The following SLCO5A1 variants were observed in gnomAD, a reference collection of about 807,000 sequenced individuals.
SLCO5A1 encodes organic anion transporter polypeptide-related protein 4.
SLCO5A1 carries 39 observed loss-of-function variants against 65.1 expected under a neutral mutation model. That is an observed-to-expected ratio of 0.60 (90% CI 0.46 to 0.78). The LOEUF (loss-of-function observed/expected upper bound fraction) is 0.78. Among genes scored for constraint, SLCO5A1 ranks in the 30% least tolerant of loss-of-function variants. The pLI, the probability that SLCO5A1 is intolerant of heterozygous loss-of-function variation, is 0.00. For missense variants in SLCO5A1, 1,029 were observed against 1,069.4 expected (o/e 0.96, Z 0.53); for synonymous variants, 438 against 415.7 (o/e 1.05, Z -0.65).
Position 69,828,262 on chromosome 8 carries a change from ATTTT to A in SLCO5A1, c.907+3501_907+3504del, listed in dbSNP as rs138592070. Among the ~76,000 whole-genome samples the A allele has an allele frequency of 7.7e-3, 1,079 of 139,734 alleles. 8 individuals carry two copies. Among genetic ancestry groups the A allele is most frequent in the African/African-American group, 0.019 (689 of 35,814 alleles). The allele number at this position is 139,734 out of a possible 152,430, so 91.7% of individuals were successfully genotyped here. On this transcript the variant is annotated intron_variant, in intron 2 of 9. Coordinates refer to ENST00000260126, the MANE Select transcript of SLCO5A1 (RefSeq NM_030958.3). The stretch of plus-strand genomic sequence containing the variant: ...AAGAATGTGTTCTAACGCATTCATC[ATTTT>A]TTTTTTTTTTAAAAAAAAAGCAATT...
chr8:69,673,158 A>G lies in SLCO5A1; in HGVS notation c.2258T>C (p.Ile753Thr). Residue 753 changes from isoleucine to threonine, a missense_variant, in exon 10 of 10, where the codon ATT (isoleucine) becomes ACT (threonine). Physicochemically the swap from Ile to Thr is moderately conservative, Grantham distance 89. This residue lies in a region of SLCO5A1 where 258 missense variants were observed against 237.4 expected (regional missense o/e 1.09). Transcript: ENST00000260126. The stretch of plus-strand genomic sequence containing the variant: ...TTTTATGGAGTACCAGGCCAGAAAA[A>G]TAAAAATAAACCCAACGAATTTGAG... ...AGLKFVGFIF[I>T]FLAWYSIKYK... The G allele has an allele frequency of 6.2e-7, 1 of 1,614,242 alleles. No individual in the cohort carries two copies. Among genetic ancestry groups the G allele is most frequent in the Non-Finnish European group, 8.5e-7 (1 of 1,180,046 alleles).
intron 8 of SLCO5A1, among the ~76,000 whole-genome samples, chr8:69,678,279 A>G (rs1361700068): frequency 1.3e-5 from 2 of 152,080 alleles, no homozygotes; most frequent in Non-Finnish European, 2.9e-5. Flanking sequence ...GGGGTCTGAA[A>G]AAACTCCCTA....
At chr8:69,737,422 G>A (rs1324377058) in intron 5 of SLCO5A1, among the ~76,000 whole-genome samples, 1 of 152,002 alleles carries the variant, frequency 6.6e-6, no homozygotes, top group Non-Finnish European at 1.5e-5. Flanking sequence ...ATAATATACT[G>A]AAAATTCCTC....
Position 69,671,530 on chromosome 8 carries a change from C to G in SLCO5A1, c.*1339G>C, listed in dbSNP as rs1262438433. 6.6e-6 allele frequency: 1 copy of G among 152,158 alleles called. No homozygotes were observed. Among genetic ancestry groups the G allele is most frequent in the African/African-American group, 2.4e-5 (1 of 41,444 alleles). 9.4% of individuals were successfully genotyped at this position (152,158 alleles called of 1,614,324 possible). On this transcript the variant is annotated 3_prime_UTR_variant, in exon 10 of 10. Coordinates refer to ENST00000260126, the MANE Select transcript of SLCO5A1 (RefSeq NM_030958.3). ...TCTATCTTAAGAGCCATGTAGAAAG[C>G]ATTCTCTATGATGCTTACTTCAAAG...
intron 9 of SLCO5A1, 76 bp downstream of exon 9, chr8:69,676,533 C>T (rs1813556974): frequency 3.1e-6 from 4 of 1,271,712 alleles, no homozygotes; most frequent in Non-Finnish European, 3.4e-6. Context: ...CATGACTTGC[C>T]ATTTTTAAAG....
At chr8:69,755,368 A>G (rs1368466748) in intron 4 of SLCO5A1, 56 bp downstream of exon 4, 18 of 1,450,584 alleles carry the variant, frequency 1.2e-5, no homozygotes, top group Non-Finnish European at 1.7e-5. Flanking sequence ...GGACCACACT[A>G]TGAGTAGCAC....
intron 6 of SLCO5A1, among the ~76,000 whole-genome samples, chr8:69,684,790 C>A (rs1230918260): frequency 7.7e-6 from 1 of 129,454 alleles, no homozygotes; most frequent in Admixed American, 7.3e-5. Context: ...CTTTCCTGTG[C>A]AAAGCCAAGA....
chr8:69,737,957 T>A lies in SLCO5A1; in HGVS notation c.1423+83A>T, dbSNP rs1289472454. The A allele has an allele frequency of 6.9e-6, 10 of 1,452,904 alleles. No individual in the cohort carries two copies. In the Admixed American group the frequency reaches 1.2e-4, roughly 18 times the overall value. The allele number at this position is 1,452,904 out of a possible 1,614,324, so 90.0% of individuals were successfully genotyped here. A position where few individuals can be genotyped will look rare whatever the true frequency, so the allele number is the denominator to read the frequency against. ...AATGAACTAGCTTAACACTTCGATG[T>A]TAGATTGAACTTTCTCTTTACCCAT... On this transcript the variant is annotated intron_variant, in intron 5 of 9. Transcript: ENST00000260126.
chr8:69,801,739 C>T (rs1449261007), intron 2 of SLCO5A1, among the ~76,000 whole-genome samples: 1 of 152,074 alleles, frequency 6.6e-6, no homozygotes, highest in Admixed American at 6.5e-5. Flanking sequence ...CACAAGGCTC[C>T]CTGGTCAAAA....
chr8:69,815,224 A>T (rs1215126798), intron 2 of SLCO5A1, among the ~76,000 whole-genome samples: 1 of 152,226 alleles, frequency 6.6e-6, no homozygotes, highest in Non-Finnish European at 1.5e-5. Flanking sequence ...ATTAGTCTGC[A>T]TTGTATTCAT....
intron 6 of SLCO5A1, among the ~76,000 whole-genome samples, chr8:69,688,591 G>GT: frequency 6.6e-6 from 1 of 150,928 alleles, no homozygotes; most frequent in Non-Finnish European, 1.5e-5. Context: ...GCGGTGTTTG[G>GT]TTTTTTTGTC....
chr8:69,705,057 C>A lies in SLCO5A1; in HGVS notation c.1596G>T (p.Gly532=). The A allele has an allele frequency of 6.2e-7, 1 of 1,613,232 alleles. No individual in the cohort carries two copies. Among genetic ancestry groups the A allele is most frequent in the Non-Finnish European group, 8.5e-7 (1 of 1,180,014 alleles). The change falls in exon 6 of 10, where the codon GGG becomes GGT. Residue 532 remains glycine, a synonymous_variant. Coordinates refer to ENST00000260126, the MANE Select transcript of SLCO5A1 (RefSeq NM_030958.3). ...FIVGCESINL[G]GINIPYTTGP... ...CTGTTGTATAAGGGATGTTTATGCCCCCTAGATTAATGCTTTCACATCCAA... is the reference window on the plus strand; with the variant it reads ...CTGTTGTATAAGGGATGTTTATGCCACCTAGATTAATGCTTTCACATCCAA...
intron 2 of SLCO5A1, among the ~76,000 whole-genome samples, chr8:69,784,827 GAAAGAAAGAAAGAAAGAAAGA>G (rs1818948677): frequency 8.1e-6 from 1 of 123,418 alleles, no homozygotes; most frequent in African/African-American, 2.9e-5. Flanking sequence ...AAGAAAGAAA[GAAAGAAAGAAAGAAAGAAAGA>G]AAGAAAGAAA....
chr8:69,822,207 T>C (rs1286703048), intron 2 of SLCO5A1, among the ~76,000 whole-genome samples: 2 of 152,200 alleles, frequency 1.3e-5, no homozygotes, highest in Admixed American at 1.3e-4. Context: ...GGCCTGTCCT[T>C]GTTCACCATA....
chr8:69,770,497 C>T (rs113605071), intron 2 of SLCO5A1, among the ~76,000 whole-genome samples: 176 of 152,140 alleles, frequency 1.2e-3, no homozygotes, highest in African/African-American at 4.0e-3. Flanking sequence ...GTAAAGATTG[C>T]GACACCCACC....
intron 4 of SLCO5A1, among the ~76,000 whole-genome samples, chr8:69,752,181 A>C (rs2130856056): frequency 6.6e-6 from 1 of 152,306 alleles, no homozygotes; most frequent in Non-Finnish European, 1.5e-5. Flanking sequence ...CAGCGAGCCA[A>C]GATCACACCA....
At chr8:69,764,721 A>G (rs1050107204) in intron 2 of SLCO5A1, among the ~76,000 whole-genome samples, 1 of 152,212 alleles carries the variant, frequency 6.6e-6, no homozygotes, top group Non-Finnish European at 1.5e-5. Context: ...TGAAGACAAC[A>G]CTTATGTTTC....
At chr8:69,825,496 G>C (rs1378954263) in intron 2 of SLCO5A1, among the ~76,000 whole-genome samples, 1 of 152,100 alleles carries the variant, frequency 6.6e-6, no homozygotes, top group Admixed American at 6.5e-5. Flanking sequence ...CAGACAAACA[G>C]AGAGCCAAAT....
At chr8:69,716,859 A>G (rs980705383) in intron 5 of SLCO5A1, among the ~76,000 whole-genome samples, 1 of 150,704 alleles carries the variant, frequency 6.6e-6, no homozygotes, top group African/African-American at 2.5e-5. Flanking sequence ...GGCTCACTGT[A>G]GTCGCAATCT....
Sources: allele counts gnomAD v4.1 joint callset (sites outside exome capture counted in the v4.1 genomes callset), GRCh38; gene constraint gnomAD v4.1.1; regional missense constraint gnomAD v4.1.1; transcripts MANE v1.5; gene names NCBI Gene and HGNC (gene_info 2026-07-23, HGNC 2026-07-21).